Variants in DGKB observed in about 807,000 individuals in gnomAD.
DGKB encodes 90 kDa diacylglycerol kinase.
DGKB carries 67 observed loss-of-function variants against 114.3 expected under a neutral mutation model. That is an observed-to-expected ratio of 0.59 (90% CI 0.48 to 0.72). The LOEUF (loss-of-function observed/expected upper bound fraction) is 0.72. DGKB is among the 30% of genes least tolerant of loss of function. DGKB has a pLI of 0.00. For missense variants in DGKB, 907 were observed against 975.2 expected, an observed-to-expected ratio of 0.93 and a Z score of 0.93; for synonymous variants, 398 against 323.1, an observed-to-expected ratio of 1.23 and a Z score of -2.49.
intron 23 of DGKB, among the ~76,000 whole-genome samples, chr7:14,294,282 T>C (rs1298280778): frequency 6.6e-6 from 1 of 152,144 alleles, no homozygotes; most frequent in Non-Finnish European, 1.5e-5. Context: ...ATCTGCAACC[T>C]CAATTCTCCC....
intron 1 of DGKB, among the ~76,000 whole-genome samples, chr7:14,972,585 G>T (rs1346054881): frequency 6.6e-6 from 1 of 151,254 alleles, no homozygotes; most frequent in African/African-American, 2.4e-5. Flanking sequence ...GATATGACTA[G>T]TATTCCATTA....
chr7:14,502,711 G>A (rs910607068), intron 20 of DGKB, among the ~76,000 whole-genome samples: 1 of 152,036 alleles, frequency 6.6e-6, no homozygotes, highest in African/African-American at 2.4e-5. Flanking sequence ...TATACATAAA[G>A]TATCTATATG....
intron 1 of DGKB, among the ~76,000 whole-genome samples, chr7:14,950,734 A>G (rs1056621183): frequency 3.3e-5 from 5 of 151,996 alleles, no homozygotes; most frequent in Non-Finnish European, 7.4e-5. Flanking sequence ...ACACTCTCTA[A>G]CTCATTCAAT....
chr7:14,181,371 A>G (rs1184112137), intron 23 of DGKB, among the ~76,000 whole-genome samples: 1 of 152,226 alleles, frequency 6.6e-6, no homozygotes, highest in Non-Finnish European at 1.5e-5. Flanking sequence ...CCTGAAAGAC[A>G]TAATGTTCCA....
intron 21 of DGKB, among the ~76,000 whole-genome samples, chr7:14,350,227 C>T (rs934987485): frequency 6.6e-6 from 1 of 152,038 alleles, no homozygotes; most frequent in South Asian, 2.1e-4. Context: ...AAGCAAAATC[C>T]TTCTTGTTGC....
At chr7:14,970,195 G>A (rs1365759239) in intron 1 of DGKB, among the ~76,000 whole-genome samples, 1 of 152,004 alleles carries the variant, frequency 6.6e-6, no homozygotes, top group Non-Finnish European at 1.5e-5. Context: ...TGTAGAGATT[G>A]GCTGCTACCA....
intron 20 of DGKB, among the ~76,000 whole-genome samples, chr7:14,533,980 C>T (rs1792013092): frequency 6.6e-6 from 1 of 151,974 alleles, no homozygotes. Flanking sequence ...GTACAAATCT[C>T]ACTTGTAAAG....
At chr7:14,177,985 G>C (rs776382072) in intron 24 of DGKB, 46 bp downstream of exon 24, 1 of 1,505,368 alleles carries the variant, frequency 6.6e-7, no homozygotes, top group South Asian at 1.4e-5. Flanking sequence ...TTAGTTTGAG[G>C]CTATGCCATA....
At chr7:14,277,293 C>G (rs1038783202) in intron 23 of DGKB, among the ~76,000 whole-genome samples, 2 of 152,126 alleles carry the variant, frequency 1.3e-5, no homozygotes, top group African/African-American at 2.4e-5. Context: ...ACCTCAGCCT[C>G]CCAAGTAGCT....
At chr7:14,345,189 C>G (rs1812276539) in intron 22 of DGKB, 112 bp downstream of exon 22, 1 of 606,360 alleles carries the variant, frequency 1.6e-6, no homozygotes, top group African/African-American at 1.9e-5. Context: ...TTGAGTAAGT[C>G]TCTGTGGATT....
chr7:14,438,511 C>T (rs1188932161), intron 21 of DGKB, among the ~76,000 whole-genome samples: 1 of 152,040 alleles, frequency 6.6e-6, no homozygotes, highest in Non-Finnish European at 1.5e-5. Context: ...CAATTTACTG[C>T]CCAAAGCCCC....
At position 14,367,126 on chromosome 7, in the gene DGKB, G is replaced by A. The variant is rs745441833; in HGVS notation, c.1836-21735C>T. On this transcript the variant is annotated intron_variant, in intron 21 of 25. Transcript: ENST00000402815. ...GCAGTGAACCTCAGCTCCCAGCCAC[G>A]CTATCTTGAGGGTAAACAAATGATA... is the stretch of plus-strand genomic sequence containing the variant. 1.1e-4 allele frequency among the ~76,000 whole-genome samples: 17 copies of A among 152,064 alleles called. 1 individual carries two copies. Among genetic ancestry groups the A allele is most frequent in the African/African-American group, 3.4e-4 (14 of 41,438 alleles).
intron 15 of DGKB, among the ~76,000 whole-genome samples, 153 bp from the exon 16 acceptor site, chr7:14,613,566 C>T (rs201588693): frequency 2.5e-3 from 323 of 128,042 alleles, no homozygotes; most frequent in Non-Finnish European, 4.1e-3. Context: ...TGAGTGTGTG[C>T]GTGTGTGTGC....
chr7:14,313,095 G>T (rs965010761), intron 23 of DGKB, among the ~76,000 whole-genome samples: 3 of 152,156 alleles, frequency 2.0e-5, no homozygotes, highest in Admixed American at 2.0e-4. Context: ...ATTTCACATT[G>T]CAAGTAACCT....
intron 4 of DGKB, among the ~76,000 whole-genome samples, chr7:14,739,461 G>C (rs952373330): frequency 2.0e-5 from 3 of 152,158 alleles, no homozygotes; most frequent in African/African-American, 7.2e-5. Context: ...TTGTGAGGTG[G>C]AAACCCGAAT....
In DGKB at chr7:14,685,803, T is replaced by C. The variant is rs184294557; in HGVS notation, c.712-441A>G. On this transcript the variant is annotated intron_variant, in intron 9 of 25. Transcript: ENST00000402815. The stretch of plus-strand genomic sequence containing the variant: ...ATTAACCCTTGCTTACTAGTAGTAA[T>C]ATACAAAATTCATGATGGTGATCAG... Among the ~76,000 whole-genome samples, 28 of 152,292 alleles carry C rather than the reference T, an allele frequency of 1.8e-4. No homozygotes were observed. In the East Asian group the frequency reaches 5.0e-3, roughly 27 times the overall value.
chr7:14,501,983 T>A (rs1316248165), intron 20 of DGKB, among the ~76,000 whole-genome samples: 1 of 151,924 alleles, frequency 6.6e-6, no homozygotes, highest in African/African-American at 2.4e-5. Flanking sequence ...CATGTGGGAT[T>A]GCAATATATT....
intron 9 of DGKB, among the ~76,000 whole-genome samples, chr7:14,693,745 CAAT>C (rs1823316972): frequency 6.6e-6 from 1 of 151,868 alleles, no homozygotes; most frequent in African/African-American, 2.4e-5. Context: ...CTGCAAAATA[CAAT>C]AATACTGGAG....
chr7:14,423,794 T>G, intron 21 of DGKB, among the ~76,000 whole-genome samples: 1 of 152,130 alleles, frequency 6.6e-6, no homozygotes, highest in East Asian at 1.9e-4. Context: ...TATGGCAATA[T>G]ATTGAATCTA....
Sources: allele counts gnomAD v4.1 joint callset (sites outside exome capture counted in the v4.1 genomes callset), GRCh38; gene constraint gnomAD v4.1.1; transcripts MANE v1.5; gene names NCBI Gene and HGNC (gene_info 2026-07-23, HGNC 2026-07-21).